Variants in JAZF1 observed in about 807,000 individuals in gnomAD.
JAZF1 encodes JAZF zinc finger 1, also known as juxtaposed with another zinc finger protein 1.
JAZF1 carries 8 observed loss-of-function variants against 26.4 expected under a neutral mutation model. That is an observed-to-expected ratio of 0.30 (90% confidence interval 0.18 to 0.55). The LOEUF is 0.55. Among genes scored for constraint, JAZF1 ranks in the 20% least tolerant of loss-of-function variants. The probability of loss-of-function intolerance (pLI) is 0.94; values close to 1 mark genes in which losing one functional copy is unlikely to be tolerated. For synonymous variants in JAZF1, 126 were observed against 122.3 expected (o/e 1.03, Z -0.20); for missense variants, 199 against 322.0 (o/e 0.62, Z 2.92).
chr7:27,923,746 A>T (rs1008584063), intron 2 of JAZF1, among the ~76,000 whole-genome samples: 1 of 152,206 alleles, frequency 6.6e-6, no homozygotes, highest in Admixed American at 6.5e-5. Context: ...GTATTTGCAT[A>T]TCGTCAGCAC....
At chr7:28,058,639 T>G (rs1348893273) in intron 1 of JAZF1, among the ~76,000 whole-genome samples, 1 of 152,228 alleles carries the variant, frequency 6.6e-6, no homozygotes, top group Non-Finnish European at 1.5e-5. Context: ...ACTATTCAGC[T>G]ATATCCCATA....
intron 3 of JAZF1, among the ~76,000 whole-genome samples, chr7:27,884,326 C>T (rs1428752182): frequency 1.3e-5 from 2 of 152,210 alleles, no homozygotes. Flanking sequence ...GACCAGGTCT[C>T]ACTATGATGA....
chr7:27,850,523 T>C (rs1783125032), intron 3 of JAZF1, among the ~76,000 whole-genome samples: 1 of 152,230 alleles, frequency 6.6e-6, no homozygotes, highest in Non-Finnish European at 1.5e-5. Context: ...TTGGTCATTA[T>C]TTGTGATTAC....
chr7:27,959,994 C>T (rs2128356959), intron 2 of JAZF1, among the ~76,000 whole-genome samples: 1 of 152,228 alleles, frequency 6.6e-6, no homozygotes, highest in African/African-American at 2.4e-5. Flanking sequence ...TAAGGACAGA[C>T]TGTACCAACG....
At chr7:27,956,132 G>A (rs1360448091) in intron 2 of JAZF1, among the ~76,000 whole-genome samples, 2 of 152,304 alleles carry the variant, frequency 1.3e-5, no homozygotes, top group Admixed American at 6.5e-5. Flanking sequence ...TGAGTAGGGT[G>A]TAGCAGATCT....
intron 2 of JAZF1, among the ~76,000 whole-genome samples, chr7:27,946,947 GA>G (rs1159462240): frequency 6.6e-6 from 1 of 151,898 alleles, no homozygotes; most frequent in Non-Finnish European, 1.5e-5. Flanking sequence ...CTGCCCTAAA[GA>G]AAAAAAAGAA....
rs145739505 is a variant in JAZF1 at position 28,073,883 on chromosome 7, C to T, written c.116-81902G>A. Among the ~76,000 whole-genome samples the T allele has an allele frequency of 8.9e-3, 1,347 of 150,588 alleles. 10 individuals are homozygous for T. Among genetic ancestry groups the T allele is most frequent in the Middle Eastern group, 0.024 (7 of 292 alleles). On this transcript the variant is annotated intron_variant, in intron 1 of 4. Coordinates refer to ENST00000283928, the MANE Select transcript of JAZF1 (RefSeq NM_175061.4). ...GAAGCAAAACATAAAATAAAATAATCGTAATTAGAAAGAAATTGCATAAGA... is the reference window on the plus strand; with the variant it reads ...GAAGCAAAACATAAAATAAAATAATTGTAATTAGAAAGAAATTGCATAAGA...
intron 3 of JAZF1, among the ~76,000 whole-genome samples, chr7:27,854,523 T>C (rs1166213221): frequency 6.6e-6 from 1 of 152,252 alleles, no homozygotes; most frequent in Non-Finnish European, 1.5e-5. Context: ...TTCCTTCCTG[T>C]ATTTAGTGCT....
At chr7:27,918,719 C>T (rs1175143400) in intron 2 of JAZF1, among the ~76,000 whole-genome samples, 1 of 152,102 alleles carries the variant, frequency 6.6e-6, no homozygotes, top group Non-Finnish European at 1.5e-5. Context: ...GCAATTTTTA[C>T]CACCTGTGCA....
intron 2 of JAZF1, among the ~76,000 whole-genome samples, chr7:27,915,135 T>C (rs1784425583): frequency 6.6e-6 from 1 of 152,226 alleles, no homozygotes; most frequent in Non-Finnish European, 1.5e-5. Context: ...TTTATTAAAC[T>C]GGTCATTAAT....
chr7:27,838,958 G>C (rs948207987), intron 4 of JAZF1, among the ~76,000 whole-genome samples: 5 of 152,210 alleles, frequency 3.3e-5, no homozygotes, highest in Non-Finnish European at 5.9e-5. Context: ...GCCTTGGGTG[G>C]AGAGAGAACA....
chr7:28,076,288 A>G (rs1044649099), intron 1 of JAZF1, among the ~76,000 whole-genome samples: 2 of 152,226 alleles, frequency 1.3e-5, no homozygotes, highest in African/African-American at 4.8e-5. Context: ...TGACATTTTT[A>G]TGAGATATCC....
chr7:27,892,033 C>T (rs1429499372), intron 3 of JAZF1, among the ~76,000 whole-genome samples: 1 of 152,162 alleles, frequency 6.6e-6, no homozygotes, highest in Non-Finnish European at 1.5e-5. Flanking sequence ...GAATATAGAA[C>T]TTGCAAGAGT....
At chr7:28,059,653 C>A (rs1242388528) in intron 1 of JAZF1, among the ~76,000 whole-genome samples, 1 of 152,078 alleles carries the variant, frequency 6.6e-6, no homozygotes, top group Admixed American at 6.5e-5. Flanking sequence ...TATTTTAGAA[C>A]CTCCTTTCAT....
chr7:28,046,634 C>T (rs7457676), intron 1 of JAZF1, among the ~76,000 whole-genome samples: 10,840 of 151,894 alleles, frequency 0.071, 674 homozygotes, highest in African/African-American at 0.16. Context: ...AGCGTCCTTT[C>T]TGACACAACT....
intron 3 of JAZF1, among the ~76,000 whole-genome samples, chr7:27,850,332 T>C (rs976968805): frequency 6.6e-6 from 1 of 152,208 alleles, no homozygotes; most frequent in Non-Finnish European, 1.5e-5. Flanking sequence ...CCTGGAAAAT[T>C]CTTGACCTCT....
intron 3 of JAZF1, among the ~76,000 whole-genome samples, chr7:27,892,538 T>C (rs1029577014): frequency 1.3e-5 from 2 of 152,200 alleles, no homozygotes; most frequent in African/African-American, 4.8e-5. Flanking sequence ...TCAGTCCATA[T>C]TACTTCAGGT....
intron 1 of JAZF1, among the ~76,000 whole-genome samples, chr7:28,103,461 A>AT (rs1278580564): frequency 6.6e-6 from 1 of 151,184 alleles, no homozygotes; most frequent in African/African-American, 2.4e-5. Context: ...TCTCTAAAAT[A>AT]TTTTTTTTTA....
At chr7:28,140,499 T>C (rs1782946244) in intron 1 of JAZF1, among the ~76,000 whole-genome samples, 1 of 152,128 alleles carries the variant, frequency 6.6e-6, no homozygotes. Context: ...TACTGCAGTC[T>C]AGGAAACATA....
Sources: allele counts gnomAD v4.1 joint callset (sites outside exome capture counted in the v4.1 genomes callset), GRCh38; gene constraint gnomAD v4.1.1; transcripts MANE v1.5; gene names NCBI Gene and HGNC (gene_info 2026-07-23, HGNC 2026-07-21).